Variants in EPHB1 observed in about 807,000 individuals in gnomAD.
EPHB1 encodes EPH receptor B1.
In EPHB1, 30 loss-of-function variants were observed where a neutral mutation model predicts 94.4. The ratio of observed to expected loss-of-function variants is 0.32; its 90% CI spans 0.24 to 0.43. EPHB1 has a LOEUF of 0.43. Ranked by LOEUF, EPHB1 falls within the 20% of genes least tolerant of loss-of-function variation. EPHB1 has a pLI of 1.00. For missense variants in EPHB1, 1,055 were observed against 1,308.3 expected (o/e 0.81, Z 2.99); for synonymous variants, 522 against 489.1 (o/e 1.07, Z -0.89).
intron 1 of EPHB1, among the ~76,000 whole-genome samples, chr3:134,823,559 A>C (rs1017884363): frequency 6.6e-6 from 1 of 152,214 alleles, no homozygotes; most frequent in African/African-American, 2.4e-5. Flanking sequence ...AAGGCTACGC[A>C]CTATCATTTC....
intron 3 of EPHB1, among the ~76,000 whole-genome samples, chr3:135,072,326 G>A (rs1427883146): frequency 2.6e-5 from 4 of 152,226 alleles, no homozygotes; most frequent in Non-Finnish European, 5.9e-5. Context: ...GGAGGCTGCA[G>A]TGAGCCAAGA....
chr3:135,183,693 C>G (rs1576453084), intron 10 of EPHB1, among the ~76,000 whole-genome samples: 1 of 152,068 alleles, frequency 6.6e-6, no homozygotes, highest in South Asian at 2.1e-4. Context: ...GAAGAGGGAA[C>G]AAAGTGGCCT....
intron 3 of EPHB1, among the ~76,000 whole-genome samples, chr3:135,004,667 C>A (rs2107745104): frequency 6.6e-6 from 1 of 151,450 alleles, no homozygotes; most frequent in South Asian, 2.1e-4. Flanking sequence ...TCTTTTTATT[C>A]TTTTTTCTCT....
chr3:135,180,583 C>T (rs1015048021), intron 10 of EPHB1, among the ~76,000 whole-genome samples: 2 of 152,142 alleles, frequency 1.3e-5, no homozygotes, highest in Admixed American at 6.5e-5. Flanking sequence ...TGTGTGTGCC[C>T]TCATCCATCT....
chr3:135,137,068 T>C (rs776147772), intron 5 of EPHB1, among the ~76,000 whole-genome samples: 12 of 152,324 alleles, frequency 7.9e-5, no homozygotes, highest in Non-Finnish European at 1.5e-4. Context: ...TTCTGTCAAA[T>C]AGACTCGGAG....
intron 1 of EPHB1, among the ~76,000 whole-genome samples, chr3:134,862,987 G>A (rs2037299535): frequency 6.6e-6 from 1 of 152,242 alleles, no homozygotes; most frequent in Non-Finnish European, 1.5e-5. Flanking sequence ...CTCTGTGTGT[G>A]TGGCTTTGCT....
chr3:135,166,275 A>G (rs977447252), intron 8 of EPHB1, among the ~76,000 whole-genome samples, 199 bp downstream of exon 8: 7 of 152,224 alleles, frequency 4.6e-5, no homozygotes, highest in Non-Finnish European at 8.8e-5. Flanking sequence ...GGGCAAGGCT[A>G]TGAGTAAACA....
intron 1 of EPHB1, among the ~76,000 whole-genome samples, chr3:134,924,155 G>A (rs2038743446): frequency 6.6e-6 from 1 of 152,112 alleles, no homozygotes; most frequent in Non-Finnish European, 1.5e-5. Flanking sequence ...CATAGACCTA[G>A]GTAGGAGAAA....
intron 13 of EPHB1, among the ~76,000 whole-genome samples, chr3:135,243,087 A>C (rs564081923): frequency 6.7e-6 from 1 of 148,184 alleles, no homozygotes; most frequent in South Asian, 2.2e-4. Context: ...AAAAAAAAAA[A>C]AAAAAAAGAA....
intron 3 of EPHB1, among the ~76,000 whole-genome samples, chr3:134,957,673 A>G (rs1348588973): frequency 6.6e-6 from 1 of 152,158 alleles, no homozygotes; most frequent in African/African-American, 2.4e-5. Context: ...TGTTATAGAA[A>G]CAAACATCCC....
At chr3:135,033,169 A>G in intron 3 of EPHB1, among the ~76,000 whole-genome samples, 1 of 152,138 alleles carries the variant, frequency 6.6e-6, no homozygotes, top group Non-Finnish European at 1.5e-5. Flanking sequence ...TTGTGTTGGG[A>G]TAGGGCAGCA....
At chr3:134,800,994 A>G (rs1239725192) in intron 1 of EPHB1, among the ~76,000 whole-genome samples, 1 of 152,100 alleles carries the variant, frequency 6.6e-6, no homozygotes, top group East Asian at 1.9e-4. Flanking sequence ...TTGCTCCACC[A>G]CTTTTGAAGG....
chr3:135,126,840 G>T (rs908435623), intron 4 of EPHB1, among the ~76,000 whole-genome samples: 2 of 152,116 alleles, frequency 1.3e-5, no homozygotes, highest in African/African-American at 2.4e-5. Context: ...CCCAACATAG[G>T]TTCCATGACC....
At chr3:135,043,657 T>A (rs1936916917) in intron 3 of EPHB1, among the ~76,000 whole-genome samples, 1 of 152,228 alleles carries the variant, frequency 6.6e-6, no homozygotes, top group Admixed American at 6.5e-5. Flanking sequence ...CACCTGGTGC[T>A]CCCTCCACAT....
At chr3:135,047,276 C>T (rs1286090020) in intron 3 of EPHB1, among the ~76,000 whole-genome samples, 3 of 152,190 alleles carry the variant, frequency 2.0e-5, no homozygotes, top group Non-Finnish European at 4.4e-5. Context: ...GTAACCTTTG[C>T]AGATGGCAGC....
intron 3 of EPHB1, among the ~76,000 whole-genome samples, chr3:135,029,584 G>T (rs1443542098): frequency 6.7e-6 from 1 of 149,706 alleles, no homozygotes; most frequent in South Asian, 2.2e-4. Context: ...GGTTTCTGCC[G>T]AGAGATCCGC....
intron 3 of EPHB1, among the ~76,000 whole-genome samples, chr3:134,997,965 G>A (rs1463184301): frequency 2.0e-5 from 3 of 152,126 alleles, no homozygotes; most frequent in Non-Finnish European, 2.9e-5. Flanking sequence ...GCTTATTCTA[G>A]GACTCCATTT....
At chr3:134,956,408 G>A (rs564992521) in intron 3 of EPHB1, among the ~76,000 whole-genome samples, 14 of 152,236 alleles carry the variant, frequency 9.2e-5, no homozygotes, top group African/African-American at 3.1e-4. Flanking sequence ...TGGGGACTCA[G>A]AAAATGACAA....
chr3:135,230,536 C>A (rs1943509784), intron 12 of EPHB1, among the ~76,000 whole-genome samples: 1 of 152,054 alleles, frequency 6.6e-6, no homozygotes, highest in Admixed American at 6.5e-5. Flanking sequence ...CACACCTGCA[C>A]CATTATTTTT....
Sources: gnomAD v4.1 joint callset for allele counts (sites outside exome capture counted in the v4.1 genomes callset) on GRCh38, gnomAD v4.1.1 for gene constraint, MANE v1.5 for transcripts, NCBI Gene and HGNC (gene_info 2026-07-23, HGNC 2026-07-21) for gene names.